PAX8: variants seen among roughly 807,000 people sequenced by gnomAD.
PAX8 encodes the protein paired box 8.
PAX8 carries 15 observed loss-of-function variants against 52.4 expected under a neutral mutation model. The ratio of observed to expected loss-of-function variants is 0.29; its 90% CI spans 0.19 to 0.44. PAX8 has a LOEUF of 0.44. Among genes scored for constraint, PAX8 ranks in the 20% least tolerant of loss-of-function variants. The pLI, the probability that PAX8 is intolerant of heterozygous loss-of-function variation, is 1.00. For synonymous variants in PAX8, 284 were observed against 249.7 expected (o/e 1.14, Z -1.29); for missense variants, 554 against 602.5 (o/e 0.92, Z 0.84).
chr2:113,244,727 G>A, intron 3 of PAX8, 103 bp from the exon 4 acceptor site: 1 of 1,057,382 alleles, frequency 9.5e-7, no homozygotes, highest in Admixed American at 1.7e-5. Flanking sequence ...TCTGGGTAGG[G>A]GTATGAGAGT....
chr2:113,241,872 G>A, intron 6 of PAX8, 136 bp downstream of exon 6: 1 of 1,429,016 alleles, frequency 7.0e-7, no homozygotes, highest in Non-Finnish European at 9.8e-7. Flanking sequence ...GGCCAACTGA[G>A]GGACAGGACA....
At chr2:113,267,239 G>A (rs888996453) in intron 2 of PAX8, 2 of 152,420 alleles carry the variant, frequency 1.3e-5, no homozygotes, top group African/African-American at 4.8e-5. Context: ...GGGGGACCTT[G>A]AGGCCAGTTC....
At chr2:113,258,511 C>T (rs886377703) in intron 2 of PAX8, among the ~76,000 whole-genome samples, 1 of 152,204 alleles carries the variant, frequency 6.6e-6, no homozygotes, top group Admixed American at 6.5e-5. Flanking sequence ...TCCCTTCTCT[C>T]TCCCTCCCTG....
intron 10 of PAX8, 89 bp from the exon 11 acceptor site, chr2:113,220,267 G>C (rs1689199689): frequency 2.1e-6 from 2 of 944,866 alleles, no homozygotes; most frequent in South Asian, 1.4e-5. Flanking sequence ...GCTGGCAATG[G>C]GCAAGCTCAG....
chr2:113,269,900 A>G (rs1405968847), intron 2 of PAX8: 2 of 152,228 alleles, frequency 1.3e-5, no homozygotes, highest in African/African-American at 2.4e-5. Context: ...AACCCTTAGA[A>G]TGTTCTGGAT....
intron 4 of PAX8, among the ~76,000 whole-genome samples, chr2:113,243,984 A>G (rs1416934714): frequency 2.0e-5 from 3 of 152,332 alleles, no homozygotes; most frequent in East Asian, 3.9e-4. Flanking sequence ...CACAAAATGA[A>G]TGAGTGAATT....
chr2:113,243,339 A>G (rs1213018975), intron 4 of PAX8, among the ~76,000 whole-genome samples: 1 of 151,740 alleles, frequency 6.6e-6, no homozygotes, highest in African/African-American at 2.4e-5. Flanking sequence ...GACATCTTCA[A>G]CTTCAGCCTA....
At chr2:113,256,646 GTGTGTGTGTA>G (rs1692282327) in intron 2 of PAX8, among the ~76,000 whole-genome samples, 9 of 133,536 alleles carry the variant, frequency 6.7e-5, no homozygotes, top group African/African-American at 2.5e-4. Flanking sequence ...GTGTGTGTGT[GTGTGTGTGTA>G]TATATATATA....
chr2:113,235,624 A>C (rs1315456380), intron 8 of PAX8, 42 bp from the exon 9 acceptor site: 3 of 1,530,750 alleles, frequency 2.0e-6, no homozygotes, highest in Non-Finnish European at 2.7e-6. Flanking sequence ...GGGGTGTGAG[A>C]TGGCGGGGAG....
In PAX8 at chr2:113,235,424, C is replaced by T. The variant is rs764963395; in HGVS notation, c.1057G>A (p.Gly353Arg). The T allele has an allele frequency of 6.2e-6, 10 of 1,600,418 alleles. No individual in the cohort carries two copies. The highest frequency in any genetic ancestry group is 1.7e-4 in the Middle Eastern group (1 of 6,006). The change falls in exon 9 of 12, where the codon GGG (glycine) becomes AGG (arginine). Residue 353 changes from glycine to arginine, a missense_variant. By Grantham distance (125) the Gly-to-Arg change is moderately radical. Around this residue, in one of 2 missense-constraint regions of PAX8, gnomAD observed 445 missense variants for 409.9 expected, o/e 1.09. Transcript: ENST00000429538. Reference protein sequence around the residue: ...NAFPHAASVYGQFTGQALLSG... With the variant: ...NAFPHAASVYRQFTGQALLSG... ...AGGAGGGCCTGGCCCGTGAACTGCC[C>T]GTACACGGAGGCAGCATGGGGAAAG... is the stretch of plus-strand genomic sequence containing the variant.
At chr2:113,252,902 T>A (rs917634287) in intron 2 of PAX8, among the ~76,000 whole-genome samples, 1 of 152,188 alleles carries the variant, frequency 6.6e-6, no homozygotes, top group Non-Finnish European at 1.5e-5. Flanking sequence ...ACAAAAAAAA[T>A]TCTTCCCTTG....
At chr2:113,221,755 C>A (rs1043876548) in intron 10 of PAX8, among the ~76,000 whole-genome samples, 1 of 152,038 alleles carries the variant, frequency 6.6e-6, no homozygotes, top group Non-Finnish European at 1.5e-5. Context: ...TGCTTTATTG[C>A]CAGACAAGTA....
intron 4 of PAX8, among the ~76,000 whole-genome samples, chr2:113,244,085 G>A (rs757023278): frequency 2.0e-5 from 3 of 152,232 alleles, no homozygotes; most frequent in Non-Finnish European, 4.4e-5. Context: ...ACGAATGAAT[G>A]CTTGAATGTG....
intron 9 of PAX8, among the ~76,000 whole-genome samples, chr2:113,232,825 A>T (rs1358927989): frequency 1.3e-5 from 2 of 151,582 alleles, no homozygotes; most frequent in Non-Finnish European, 2.9e-5. Context: ...GCTGCCCTAC[A>T]TCCTTCCCTC....
intron 2 of PAX8, chr2:113,274,734 ATCTT>A: frequency 6.6e-6 from 1 of 152,308 alleles, no homozygotes; most frequent in Admixed American, 6.5e-5. Context: ...CTATTAGTAA[ATCTT>A]TCTTACAATT....
In PAX8 at chr2:113,256,652, GTGTA is replaced by G. The variant is rs776579792; in HGVS notation, c.26-9737_26-9734del. On this transcript the variant is annotated intron_variant, in intron 2 of 11. Coordinates refer to ENST00000429538, the MANE Select transcript of PAX8 (RefSeq NM_003466.4). ...TATATGTGTGTGTGTGTGTGTGTGT[GTGTA>G]TATATATATATAGAATAACACCCAA... Among the ~76,000 whole-genome samples the G allele has an allele frequency of 5.8e-3, 555 of 95,358 alleles. 1 individual carries two copies. Among genetic ancestry groups the G allele is most frequent in the African/African-American group, 0.022 (480 of 21,856 alleles). 62.6% of individuals were successfully genotyped at this position (95,358 alleles called of 152,430 possible).
At chr2:113,255,002 GAAAGGAAAGAAC>G (rs936396195) in intron 2 of PAX8, among the ~76,000 whole-genome samples, 1 of 151,148 alleles carries the variant, frequency 6.6e-6, no homozygotes, top group African/African-American at 2.4e-5. Flanking sequence ...GTTGGTTATT[GAAAGGAAAGAAC>G]AAAGGAAAGA....
chr2:113,246,420 G>A (rs1361396330), intron 3 of PAX8, among the ~76,000 whole-genome samples: 11 of 152,186 alleles, frequency 7.2e-5, no homozygotes, highest in Non-Finnish European at 1.0e-4. Flanking sequence ...CCTAGGTCTC[G>A]GTAGGAGGAG....
At chr2:113,276,592 A>C (rs1031968255) in intron 2 of PAX8, 1 of 151,616 alleles carries the variant, frequency 6.6e-6, no homozygotes, top group Non-Finnish European at 1.5e-5. Context: ...TTGTGCCTTT[A>C]TTTATTCTTT....
Sources: gnomAD v4.1 joint callset for allele counts (sites outside exome capture counted in the v4.1 genomes callset) on GRCh38, gnomAD v4.1.1 for gene constraint, gnomAD v4.1.1 regional missense constraint, MANE v1.5 for transcripts, NCBI Gene and HGNC (gene_info 2026-07-23, HGNC 2026-07-21) for gene names.